Variants in GNB1 observed in about 807,000 individuals in gnomAD.
The protein encoded by GNB1 is guanine nucleotide-binding protein G(I)/G(S)/G(T) subunit beta-1.
A neutral mutation model predicts 42.9 loss-of-function variants in GNB1; 2 were observed. That is an observed-to-expected ratio of 0.05 (90% confidence interval 0.02 to 0.15). The LOEUF (loss-of-function observed/expected upper bound fraction) is 0.15. Ranked by LOEUF, GNB1 falls within the 10% of genes least tolerant of loss-of-function variation. The pLI, the probability that GNB1 is intolerant of heterozygous loss-of-function variation, is 1.00. For synonymous variants in GNB1, 183 were observed against 174.7 expected, an observed-to-expected ratio of 1.05 and a Z score of -0.38; for missense variants, 193 against 462.2, an observed-to-expected ratio of 0.42 and a Z score of 5.34.
rs536215662 is a variant in GNB1 at position 1,888,428 on chromosome 1, G to A, written c.-96+2392C>T. 4.0e-5 allele frequency among the ~76,000 whole-genome samples: 6 copies of A among 151,260 alleles called. No homozygotes were observed. In the East Asian group the frequency reaches 9.7e-4, roughly 24 times the overall value. On this transcript the variant is annotated intron_variant, in intron 1 of 11. Transcript: ENST00000378609. ...TCAGTGTTGATGAAACCAAATGCTC[G>A]TAACCTGGGACCACCGCCCAACACC... is the stretch of plus-strand genomic sequence containing the variant.
chr1:1,804,676 G>T, intron 6 of GNB1, 95 bp from the exon 7 acceptor site: 1 of 955,170 alleles, frequency 1.0e-6, no homozygotes, highest in East Asian at 2.7e-5. Flanking sequence ...CTGCAAAGGA[G>T]GTAACAGAAC....
chr1:1,858,556 G>A (rs1570725062), intron 1 of GNB1, among the ~76,000 whole-genome samples: 1 of 151,984 alleles, frequency 6.6e-6, no homozygotes, highest in African/African-American at 2.4e-5. Flanking sequence ...ACTTCCAGAG[G>A]GTGGGTCCCC....
chr1:1,854,961 C>T (rs1648190631), intron 1 of GNB1, among the ~76,000 whole-genome samples: 1 of 151,894 alleles, frequency 6.6e-6, no homozygotes, highest in African/African-American at 2.4e-5. Flanking sequence ...GAGTTCAAGA[C>T]CAGCCTGGCC....
At chr1:1,853,439 G>A (rs1268355037) in intron 1 of GNB1, among the ~76,000 whole-genome samples, 31 of 152,162 alleles carry the variant, frequency 2.0e-4, no homozygotes, top group Non-Finnish European at 4.0e-4. Flanking sequence ...AACTTTGGTG[G>A]TCTCTGCCGA....
intron 7 of GNB1, among the ~76,000 whole-genome samples, chr1:1,803,612 A>G (rs755290514): frequency 3.3e-5 from 5 of 152,216 alleles, no homozygotes; most frequent in Admixed American, 1.3e-4. Context: ...TGGTAAAGGC[A>G]TATCAGGCTT....
intron 1 of GNB1, among the ~76,000 whole-genome samples, chr1:1,856,807 A>C (rs1205065785): frequency 6.6e-6 from 1 of 152,240 alleles, no homozygotes; most frequent in Non-Finnish European, 1.5e-5. Flanking sequence ...TGTTGGGACA[A>C]CCAAGAATGT....
At chr1:1,791,741 C>T (rs1646483866) in intron 8 of GNB1, among the ~76,000 whole-genome samples, 1 of 152,146 alleles carries the variant, frequency 6.6e-6, no homozygotes, top group South Asian at 2.1e-4. Context: ...GCACAGGGAG[C>T]CTCCTCTCTA....
rs574839440 is a variant in GNB1 at position 1,848,928 on chromosome 1, T to G, written c.-95-9690A>C. ...AGAAGGAGCTTCAAAAACTATTGGA[T>G]GTTCCGGAGTGATAGGCATGTCTTT... On this transcript the variant is annotated intron_variant, in intron 1 of 11. Transcript: ENST00000378609. Among the ~76,000 whole-genome samples the G allele has an allele frequency of 7.2e-5, 11 of 152,360 alleles. No individual in the cohort carries two copies. The South Asian group carries it at 1.4e-3, about 20-fold the overall frequency.
intron 1 of GNB1, among the ~76,000 whole-genome samples, chr1:1,851,626 A>G (rs967194153): frequency 2.0e-5 from 3 of 152,306 alleles, no homozygotes; most frequent in Non-Finnish European, 2.9e-5. Context: ...ACTCACACCT[A>G]GAGGAGGACA....
At chr1:1,795,719 C>T (rs1646537466) in intron 7 of GNB1, among the ~76,000 whole-genome samples, 1 of 151,372 alleles carries the variant, frequency 6.6e-6, no homozygotes, top group African/African-American at 2.4e-5. Context: ...CAGCGGTGCA[C>T]TCCAGCCTGG....
chr1:1,828,592 A>G (rs952076930), intron 2 of GNB1, among the ~76,000 whole-genome samples: 3 of 152,198 alleles, frequency 2.0e-5, no homozygotes, highest in Non-Finnish European at 4.4e-5. Flanking sequence ...TAGTAATGCC[A>G]AAACTCGCTA....
At chr1:1,879,029 C>T (rs1649696566) in intron 1 of GNB1, among the ~76,000 whole-genome samples, 1 of 152,204 alleles carries the variant, frequency 6.6e-6, no homozygotes. Flanking sequence ...CTGCACATCC[C>T]TAACACAAGG....
chr1:1,853,674 AAG>A (rs761969757), intron 1 of GNB1, among the ~76,000 whole-genome samples: 19 of 152,300 alleles, frequency 1.2e-4, no homozygotes, highest in African/African-American at 4.6e-4. Context: ...GTGATTTAGA[AAG>A]AGAACTGGAA....
At chr1:1,879,377 C>G (rs1649716074) in intron 1 of GNB1, among the ~76,000 whole-genome samples, 1 of 152,216 alleles carries the variant, frequency 6.6e-6, no homozygotes, top group Non-Finnish European at 1.5e-5. Flanking sequence ...AATAAGCCCA[C>G]TGCATGTTAC....
chr1:1,818,880 T>TAATAA (rs1271623386), intron 3 of GNB1, among the ~76,000 whole-genome samples: 1 of 151,540 alleles, frequency 6.6e-6, no homozygotes, highest in East Asian at 1.9e-4. Flanking sequence ...ACAAAAATAA[T>TAATAA]AATAAAATAA....
At chr1:1,803,100 ATG>A in intron 7 of GNB1, among the ~76,000 whole-genome samples, 1 of 152,366 alleles carries the variant, frequency 6.6e-6, no homozygotes, top group South Asian at 2.1e-4. Context: ...CTTTGGCTGC[ATG>A]TGAAGTGGGC....
rs202108846 is a variant in GNB1 at position 1,815,749 on chromosome 1, C to T, written c.203+7G>A. 53 of 1,481,954 alleles carry T rather than the reference C, an allele frequency of 3.6e-5. No individual in the cohort carries two copies. In the East Asian group the frequency reaches 9.3e-4, roughly 26 times the overall value. 91.8% of individuals were successfully genotyped at this position (1,481,954 alleles called of 1,614,324 possible). A position where few individuals can be genotyped will look rare whatever the true frequency, so the allele number is the denominator to read the frequency against. On this transcript the variant is annotated splice_region_variant and intron_variant, in intron 5 of 11. Coordinates refer to ENST00000378609, the MANE Select transcript of GNB1 (RefSeq NM_002074.5). ...ACAAGCAGCATCCTGCTCATGCCCA[C>T]GCCTACCTGGAGTCTGTGCCCCAGT... is the stretch of plus-strand genomic sequence containing the variant.
intron 1 of GNB1, among the ~76,000 whole-genome samples, chr1:1,885,551 C>T (rs866238510): frequency 0.011 from 1,006 of 94,094 alleles, 17 homozygotes; most frequent in African/African-American, 0.035. Context: ...TCCACTTAAT[C>T]TTTTTTTTTT....
intron 1 of GNB1, among the ~76,000 whole-genome samples, chr1:1,861,991 C>T (rs563506296): frequency 7.9e-5 from 12 of 151,980 alleles, no homozygotes; most frequent in Admixed American, 3.9e-4. Context: ...ACTTGAGCCC[C>T]GGGGGTCGGA....
Sources: allele counts gnomAD v4.1 joint callset (sites outside exome capture counted in the v4.1 genomes callset), GRCh38; gene constraint gnomAD v4.1.1; transcripts MANE v1.5; gene names NCBI Gene and HGNC (gene_info 2026-07-23, HGNC 2026-07-21).